PDE4D: variants seen among roughly 807,000 people sequenced by gnomAD.
PDE4D encodes the protein 3',5'-cyclic-AMP phosphodiesterase 4D.
Under a neutral mutation model 87.4 loss-of-function variants are expected in PDE4D, and 24 were observed. That is an observed-to-expected ratio of 0.27 (90% CI 0.20 to 0.39). PDE4D has a LOEUF of 0.39. PDE4D is among the 10% of genes least tolerant of loss of function. PDE4D has a pLI of 1.00. For missense variants in PDE4D, 714 were observed against 1,041.0 expected (o/e 0.69, Z 4.32); for synonymous variants, 384 against 383.2 (o/e 1.00, Z -0.02).
chr5:59,172,357 G>A (rs1475273270), intron 5 of PDE4D, among the ~76,000 whole-genome samples: 6 of 127,774 alleles, frequency 4.7e-5, no homozygotes, highest in Non-Finnish European at 7.9e-5. Context: ...TATATATTTT[G>A]TATATATTAT....
At chr5:59,549,919 T>C (rs545658870) in intron 1 of PDE4D, among the ~76,000 whole-genome samples, 46 of 152,054 alleles carry the variant, frequency 3.0e-4, no homozygotes, top group African/African-American at 1.1e-3. Context: ...ACTCATAGAA[T>C]TATGAAATAT....
chr5:60,386,792 C>A (rs1762219918), intron 1 of PDE4D, among the ~76,000 whole-genome samples: 1 of 152,212 alleles, frequency 6.6e-6, no homozygotes, highest in Non-Finnish European at 1.5e-5. Context: ...GCTTCTAGTT[C>A]AAAACTGACT....
chr5:60,466,057 G>A (rs545468537), intron 1 of PDE4D, among the ~76,000 whole-genome samples: 4 of 152,208 alleles, frequency 2.6e-5, no homozygotes, highest in East Asian at 3.9e-4. Context: ...ACTGTATTTC[G>A]AAACTCTAGG....
At chr5:59,572,326 G>A (rs1423476574) in intron 1 of PDE4D, among the ~76,000 whole-genome samples, 1 of 151,958 alleles carries the variant, frequency 6.6e-6, no homozygotes, top group Non-Finnish European at 1.5e-5. Context: ...TTCAAAATTT[G>A]GCAAGACATA....
chr5:59,698,335 C>A (rs1752082403), intron 1 of PDE4D, among the ~76,000 whole-genome samples: 1 of 152,068 alleles, frequency 6.6e-6, no homozygotes, highest in South Asian at 2.1e-4. Context: ...CCCACTTAAG[C>A]AGATCACATA....
chr5:59,686,340 G>A (rs959025519), intron 1 of PDE4D, among the ~76,000 whole-genome samples: 11 of 152,080 alleles, frequency 7.2e-5, no homozygotes, highest in African/African-American at 1.4e-4. Context: ...CTATTGTAAA[G>A]ATGAAGTAAA....
At chr5:60,036,285 A>G (rs757473933) in intron 2 of PDE4D, among the ~76,000 whole-genome samples, 8 of 152,220 alleles carry the variant, frequency 5.3e-5, no homozygotes, top group Admixed American at 2.0e-4. Flanking sequence ...ACACACTTGT[A>G]CAGCTACACA....
chr5:59,022,752 C>G (rs995631858), intron 6 of PDE4D, among the ~76,000 whole-genome samples: 1 of 152,086 alleles, frequency 6.6e-6, no homozygotes, highest in South Asian at 2.1e-4. Context: ...ACCTAGAGAA[C>G]AAAAAAGGCA....
At chr5:59,658,477 G>A (rs1302014936) in intron 1 of PDE4D, among the ~76,000 whole-genome samples, 1 of 152,090 alleles carries the variant, frequency 6.6e-6, no homozygotes, top group East Asian at 1.9e-4. Context: ...TGCCTTCTGG[G>A]TTCACGCCAT....
Position 59,630,153 on chromosome 5 carries a change from C to T in PDE4D, c.455+263015G>A, listed in dbSNP as rs190898136. 1.7e-3 allele frequency among the ~76,000 whole-genome samples: 258 copies of T among 152,294 alleles called. 1 individual carries two copies. Among genetic ancestry groups the T allele is most frequent in the African/African-American group, 4.9e-3 (202 of 41,572 alleles). ...TATTAGCCTTTGAAGTATGGAGATA[C>T]ATACACTTTTATGCATATGCACACA... On this transcript the variant is annotated intron_variant, in intron 1 of 14. Coordinates refer to ENST00000340635, the MANE Select transcript of PDE4D (RefSeq NM_001104631.2).
chr5:59,702,343 G>T (rs1752698159), intron 1 of PDE4D, among the ~76,000 whole-genome samples: 1 of 151,974 alleles, frequency 6.6e-6, no homozygotes, highest in Non-Finnish European at 1.5e-5. Flanking sequence ...AGCCAGGATG[G>T]TCTCGATCTC....
At chr5:60,246,061 A>G (rs1747736722) in intron 1 of PDE4D, among the ~76,000 whole-genome samples, 4 of 151,782 alleles carry the variant, frequency 2.6e-5, no homozygotes, top group East Asian at 1.9e-4. Context: ...CCCCATAAAT[A>G]TATACATCTA....
intron 1 of PDE4D, chr5:59,703,511 C>A: frequency 1.9e-6 from 1 of 524,270 alleles, no homozygotes; most frequent in Non-Finnish European, 3.9e-6. Flanking sequence ...TTCAAAAAGG[C>A]ACCATGTAGC....
At chr5:59,241,797 T>A (rs981771568) in intron 1 of PDE4D, among the ~76,000 whole-genome samples, 12 of 152,188 alleles carry the variant, frequency 7.9e-5, no homozygotes, top group African/African-American at 2.9e-4. Flanking sequence ...TTGGTCAAAG[T>A]AGATTCTTTA....
intron 1 of PDE4D, among the ~76,000 whole-genome samples, chr5:59,437,086 C>G (rs1258712785): frequency 6.6e-6 from 1 of 152,158 alleles, no homozygotes; most frequent in African/African-American, 2.4e-5. Context: ...CTCAACAAAC[C>G]TATTATATAT....
upstream of PDE4D, among the ~76,000 whole-genome samples, chr5:60,489,192 T>G (rs1332655846): frequency 6.6e-6 from 1 of 152,216 alleles, no homozygotes; most frequent in African/African-American, 2.4e-5. Flanking sequence ...GACAAATCCT[T>G]CCAAATCCTT....
chr5:59,525,774 G>C (rs141404045), intron 1 of PDE4D, among the ~76,000 whole-genome samples: 2 of 152,158 alleles, frequency 1.3e-5, no homozygotes, highest in Non-Finnish European at 2.9e-5. Flanking sequence ...ATGATAGTGA[G>C]TGACTTCTCA....
upstream of PDE4D, chr5:59,893,894 G>T: frequency 9.3e-7 from 1 of 1,071,738 alleles, no homozygotes; most frequent in Non-Finnish European, 1.2e-6. Flanking sequence ...CAAGACTAGG[G>T]TGCGCGGTGC....
intron 5 of PDE4D, among the ~76,000 whole-genome samples, chr5:59,134,119 T>G (rs1776689428): frequency 6.7e-6 from 1 of 149,944 alleles, no homozygotes; most frequent in South Asian, 2.1e-4. Context: ...TTCTTGGGAT[T>G]GCATGACTCA....
Sources: gnomAD v4.1 joint callset for allele counts (sites outside exome capture counted in the v4.1 genomes callset) on GRCh38, gnomAD v4.1.1 for gene constraint, MANE v1.5 for transcripts, NCBI Gene and HGNC (gene_info 2026-07-23, HGNC 2026-07-21) for gene names.